CXCL13: variants seen among roughly 807,000 people sequenced by gnomAD.
The protein encoded by CXCL13 is C-X-C motif chemokine ligand 13, also known as C-X-C motif chemokine 13.
Under a neutral mutation model 12.2 loss-of-function variants are expected in CXCL13, and 7 were observed. The observed-to-expected ratio is 0.57, with a 90% CI of 0.33 to 1.07. The LOEUF is 1.07. CXCL13 is among the 50% of genes least tolerant of loss of function. The probability of loss-of-function intolerance (pLI) is 0.04; values close to 1 mark genes in which losing one functional copy is unlikely to be tolerated. For synonymous variants in CXCL13, 47 were observed against 42.4 expected (o/e 1.11, Z -0.42); for missense variants, 113 against 127.4 (o/e 0.89, Z 0.55).
At chr4:77,556,126 AC>A (rs1174512236) in intron 1 of CXCL13, among the ~76,000 whole-genome samples, 2 of 152,234 alleles carry the variant, frequency 1.3e-5, no homozygotes, top group African/African-American at 4.8e-5. Flanking sequence ...ATAAAAACAT[AC>A]ATCCATTCAG....
intron 1 of CXCL13, among the ~76,000 whole-genome samples, chr4:77,524,369 A>C (rs1002673475): frequency 1.2e-4 from 18 of 152,098 alleles, no homozygotes; most frequent in African/African-American, 3.6e-4. Flanking sequence ...GGCCTTGCTG[A>C]GCTGTGGTGG....
At chr4:77,553,902 A>T (rs2109808603) in intron 1 of CXCL13, among the ~76,000 whole-genome samples, 2 of 152,292 alleles carry the variant, frequency 1.3e-5, no homozygotes, top group Admixed American at 6.5e-5. Flanking sequence ...TATAGTTAAT[A>T]GCGTATTGTA....
At chr4:77,539,830 G>T (rs1053384531) in intron 1 of CXCL13, among the ~76,000 whole-genome samples, 2 of 152,100 alleles carry the variant, frequency 1.3e-5, no homozygotes, top group African/African-American at 4.8e-5. Flanking sequence ...ATCACCTGAT[G>T]GCTGCCTGAC....
At chr4:77,548,657 T>C (rs1356054546) in intron 1 of CXCL13, among the ~76,000 whole-genome samples, 4 of 152,248 alleles carry the variant, frequency 2.6e-5, no homozygotes, top group African/African-American at 9.6e-5. Context: ...ATGTGGAATA[T>C]TGGCCCCCAT....
chr4:77,548,030 A>C (rs991870497), intron 1 of CXCL13, among the ~76,000 whole-genome samples: 1 of 151,824 alleles, frequency 6.6e-6, no homozygotes, highest in Non-Finnish European at 1.5e-5. Context: ...GGGTTGAAAA[A>C]AAATTTTTTT....
At chr4:77,558,022 A>T (rs1033602251) in intron 1 of CXCL13, among the ~76,000 whole-genome samples, 1 of 152,206 alleles carries the variant, frequency 6.6e-6, no homozygotes, top group African/African-American at 2.4e-5. Flanking sequence ...TAGAATTTCA[A>T]GTCGCATACC....
intron 1 of CXCL13, among the ~76,000 whole-genome samples, chr4:77,577,675 G>C (rs570772826): frequency 1.3e-5 from 2 of 152,304 alleles, no homozygotes; most frequent in African/African-American, 4.8e-5. Flanking sequence ...AAGCCACTTT[G>C]ATGCCCATGA....
upstream of CXCL13, among the ~76,000 whole-genome samples, chr4:77,601,535 AAAG>A (rs1414328063): frequency 2.0e-5 from 3 of 152,244 alleles, no homozygotes; most frequent in Non-Finnish European, 4.4e-5. Context: ...GATCAGCGTC[AAAG>A]AAGAACAGCT....
At chr4:77,571,943 G>A (rs939290236) in intron 1 of CXCL13, among the ~76,000 whole-genome samples, 1 of 151,748 alleles carries the variant, frequency 6.6e-6, no homozygotes, top group African/African-American at 2.4e-5. Context: ...CTTAAGAGCT[G>A]TAACACTCAC....
chr4:77,545,432 G>A (rs1419852021), intron 1 of CXCL13, among the ~76,000 whole-genome samples: 1 of 152,146 alleles, frequency 6.6e-6, no homozygotes, highest in African/African-American at 2.4e-5. Context: ...TTGAGCAGTG[G>A]TTTGTAGTTC....
intron 1 of CXCL13, among the ~76,000 whole-genome samples, chr4:77,557,219 G>A (rs1031235372): frequency 7.9e-5 from 12 of 152,108 alleles, no homozygotes; most frequent in African/African-American, 2.9e-4. Context: ...ATTAATAACA[G>A]GGCCACAACG....
At chr4:77,522,988 T>G (rs1458544159) in intron 1 of CXCL13, among the ~76,000 whole-genome samples, 1 of 152,174 alleles carries the variant, frequency 6.6e-6, no homozygotes, top group Non-Finnish European at 1.5e-5. Context: ...GGCTGGATAT[T>G]AAATTCTAGG....
At chr4:77,513,857 A>C (rs1578029763) in intron 1 of CXCL13, among the ~76,000 whole-genome samples, 1 of 149,854 alleles carries the variant, frequency 6.7e-6, no homozygotes, top group East Asian at 2.0e-4. Context: ...CACAATGTGC[A>C]GGTTAGTTAC....
intron 1 of CXCL13, among the ~76,000 whole-genome samples, chr4:77,521,396 CTGT>C: frequency 6.6e-6 from 1 of 152,066 alleles, no homozygotes; most frequent in African/African-American, 2.4e-5. Context: ...ATTTCAGAGA[CTGT>C]TATTGGTCTA....
chr4:77,551,370 C>T (rs1725516851), intron 1 of CXCL13, among the ~76,000 whole-genome samples: 1 of 152,192 alleles, frequency 6.6e-6, no homozygotes, highest in South Asian at 2.1e-4. Flanking sequence ...ATTTCTCCTT[C>T]ACTTATGAAG....
intron 1 of CXCL13, among the ~76,000 whole-genome samples, chr4:77,526,777 A>C (rs1474384274): frequency 6.6e-6 from 1 of 152,142 alleles, no homozygotes; most frequent in Non-Finnish European, 1.5e-5. Context: ...AGAGGAACAC[A>C]CAGGACTGGC....
chr4:77,531,525 G>A (rs901707535), intron 1 of CXCL13, among the ~76,000 whole-genome samples: 45 of 152,198 alleles, frequency 3.0e-4, no homozygotes, highest in African/African-American at 1.1e-3. Context: ...ATATTCTGTT[G>A]ATTTGGGATG....
intron 1 of CXCL13, among the ~76,000 whole-genome samples, chr4:77,533,844 T>C (rs1401184405): frequency 2.0e-5 from 3 of 152,204 alleles, no homozygotes; most frequent in African/African-American, 4.8e-5. Flanking sequence ...ATGCACGGGA[T>C]ATAATCTCCT....
chr4:77,580,688 G>A (rs1210028867), intron 1 of CXCL13, among the ~76,000 whole-genome samples: 1 of 149,940 alleles, frequency 6.7e-6, no homozygotes, highest in Non-Finnish European at 1.5e-5. Flanking sequence ...CTGGAGGATG[G>A]TTTTTAGCCT....
Sources: allele counts gnomAD v4.1 joint callset (sites outside exome capture counted in the v4.1 genomes callset), GRCh38; gene constraint gnomAD v4.1.1; transcripts MANE v1.5; gene names NCBI Gene and HGNC (gene_info 2026-07-23, HGNC 2026-07-21).